The following CNTNAP2 variants were observed in gnomAD, a reference collection of about 807,000 sequenced individuals.
CNTNAP2 encodes the protein contactin associated protein 2.
In CNTNAP2, 98 loss-of-function variants were observed where a neutral mutation model predicts 155.2. The ratio of observed to expected loss-of-function variants is 0.63; its 90% CI spans 0.54 to 0.75. The LOEUF (loss-of-function observed/expected upper bound fraction) is 0.75, where lower values mean the gene tolerates loss of function less well. CNTNAP2 is among the 30% of genes least tolerant of loss of function. CNTNAP2 has a pLI of 0.00. For missense variants in CNTNAP2, 1,727 were observed against 1,688.1 expected (o/e 1.02, Z -0.40); for synonymous variants, 651 against 631.2 (o/e 1.03, Z -0.47).
intron 8 of CNTNAP2, among the ~76,000 whole-genome samples, chr7:147,156,269 T>C (rs1355660152): frequency 6.6e-6 from 1 of 152,166 alleles, no homozygotes; most frequent in Non-Finnish European, 1.5e-5. Flanking sequence ...CTCTGTTGAA[T>C]TGCCACTTTT....
chr7:146,650,138 G>A (rs1306195239), intron 1 of CNTNAP2, among the ~76,000 whole-genome samples: 1 of 152,126 alleles, frequency 6.6e-6, no homozygotes, highest in Non-Finnish European at 1.5e-5. Flanking sequence ...ACAGTGTGGT[G>A]ATTCCTCAAG....
chr7:147,252,273 C>T (rs13223171), intron 8 of CNTNAP2, among the ~76,000 whole-genome samples: 29,405 of 152,092 alleles, frequency 0.19, 3,159 homozygotes, highest in Non-Finnish European at 0.23. Flanking sequence ...AACTGATAGT[C>T]AGCTGAGTGG....
At chr7:146,750,958 T>C (rs1801893169) in intron 1 of CNTNAP2, among the ~76,000 whole-genome samples, 1 of 152,190 alleles carries the variant, frequency 6.6e-6, no homozygotes, top group Non-Finnish European at 1.5e-5. Flanking sequence ...CTACTTTTAC[T>C]CATTCATTCA....
chr7:146,661,937 T>C (rs1800097054), intron 1 of CNTNAP2, among the ~76,000 whole-genome samples: 1 of 152,170 alleles, frequency 6.6e-6, no homozygotes, highest in African/African-American at 2.4e-5. Flanking sequence ...ATAAAAGTTT[T>C]AGCTGCTTTG....
intron 10 of CNTNAP2, among the ~76,000 whole-genome samples, chr7:147,459,937 A>G (rs1023114088): frequency 6.6e-6 from 1 of 152,142 alleles, no homozygotes; most frequent in Non-Finnish European, 1.5e-5. Context: ...GTGGGAGTTG[A>G]ACGATGAGAA....
At chr7:148,277,650 C>T (rs1364838853) in intron 21 of CNTNAP2, among the ~76,000 whole-genome samples, 1 of 149,914 alleles carries the variant, frequency 6.7e-6, no homozygotes, top group African/African-American at 2.4e-5. Context: ...GACTGGGAAG[C>T]AAGGCAAGAG....
chr7:146,900,575 C>A (rs1413237036), intron 3 of CNTNAP2, among the ~76,000 whole-genome samples: 1 of 152,150 alleles, frequency 6.6e-6, no homozygotes, highest in African/African-American at 2.4e-5. Context: ...TCTTGCTAGT[C>A]CCATCTCCTG....
intron 11 of CNTNAP2, among the ~76,000 whole-genome samples, chr7:147,507,054 C>T (rs1798919814): frequency 6.6e-6 from 1 of 152,106 alleles, no homozygotes; most frequent in Non-Finnish European, 1.5e-5. Context: ...AGTGGATGTT[C>T]ATGATCAGAC....
At chr7:147,715,998 G>GC (rs1274749012) in intron 13 of CNTNAP2, among the ~76,000 whole-genome samples, 4 of 152,118 alleles carry the variant, frequency 2.6e-5, no homozygotes, top group African/African-American at 7.2e-5. Flanking sequence ...CTCTATTTAA[G>GC]AAAACTAATT....
intron 8 of CNTNAP2, among the ~76,000 whole-genome samples, chr7:147,174,100 C>T (rs906903607): frequency 1.3e-5 from 2 of 152,102 alleles, no homozygotes; most frequent in Non-Finnish European, 2.9e-5. Context: ...AACCAGCAAA[C>T]CACAGTCCAT....
intron 2 of CNTNAP2, among the ~76,000 whole-genome samples, chr7:146,799,027 T>G (rs1032461640): frequency 6.6e-6 from 1 of 152,174 alleles, no homozygotes; most frequent in African/African-American, 2.4e-5. Context: ...GATGCATTAT[T>G]TTTGAGGTTC....
intron 9 of CNTNAP2, among the ~76,000 whole-genome samples, chr7:147,361,127 T>C (rs1040772449): frequency 6.6e-6 from 1 of 152,128 alleles, no homozygotes; most frequent in African/African-American, 2.4e-5. Context: ...CAAAAAAGAT[T>C]AACTAAATAA....
At chr7:146,961,017 T>C (rs1050175940) in intron 3 of CNTNAP2, among the ~76,000 whole-genome samples, 22 of 152,228 alleles carry the variant, frequency 1.4e-4, no homozygotes, top group African/African-American at 5.1e-4. Context: ...GGGCTTTGCA[T>C]TTAGAATGAT....
At chr7:148,152,475 G>C (rs918229839) in intron 17 of CNTNAP2, among the ~76,000 whole-genome samples, 5 of 152,018 alleles carry the variant, frequency 3.3e-5, no homozygotes, top group Non-Finnish European at 7.4e-5. Flanking sequence ...AATCTCAAAA[G>C]ACCAATCTTA....
At chr7:146,341,519 C>G (rs527354521) in intron 1 of CNTNAP2, among the ~76,000 whole-genome samples, 1 of 151,972 alleles carries the variant, frequency 6.6e-6, no homozygotes, top group Non-Finnish European at 1.5e-5. Flanking sequence ...AAAACAGTTG[C>G]GACAATTTTG....
chr7:146,719,894 C>T (rs900828876), intron 1 of CNTNAP2, among the ~76,000 whole-genome samples: 1 of 151,988 alleles, frequency 6.6e-6, no homozygotes, highest in Non-Finnish European at 1.5e-5. Context: ...TCAGTAAATA[C>T]CCAGTAGGAG....
intron 22 of CNTNAP2, among the ~76,000 whole-genome samples, chr7:148,388,736 G>A (rs1203083327): frequency 6.6e-6 from 1 of 152,124 alleles, no homozygotes; most frequent in Non-Finnish European, 1.5e-5. Flanking sequence ...CTGTTTGTTA[G>A]TTTTCCTTCT....
At chr7:147,028,606 C>A (rs1457085612) in intron 3 of CNTNAP2, among the ~76,000 whole-genome samples, 2 of 152,112 alleles carry the variant, frequency 1.3e-5, no homozygotes, top group Non-Finnish European at 2.9e-5. Context: ...TAGAAGAAGG[C>A]CAGTTGGGTA....
intron 13 of CNTNAP2, among the ~76,000 whole-genome samples, chr7:147,737,270 G>C (rs893885193): frequency 6.6e-6 from 1 of 152,182 alleles, no homozygotes; most frequent in Non-Finnish European, 1.5e-5. Context: ...AGGTCTGTTG[G>C]AGTTTGCTGG....
Sources: allele counts gnomAD v4.1 joint callset (sites outside exome capture counted in the v4.1 genomes callset), GRCh38; gene constraint gnomAD v4.1.1; transcripts MANE v1.5; gene names NCBI Gene and HGNC (gene_info 2026-07-23, HGNC 2026-07-21).